Variants in MDGA2 observed in about 807,000 individuals in gnomAD.
MDGA2 encodes MAM domain containing glycosylphosphatidylinositol anchor 2, also known as MAM domain-containing glycosylphosphatidylinositol anchor protein 2.
MDGA2 carries 40 observed loss-of-function variants against 117.8 expected under a neutral mutation model. That is an observed-to-expected ratio of 0.34 (90% confidence interval 0.26 to 0.44). The LOEUF is 0.44. MDGA2 is among the 20% of genes least tolerant of loss of function. The probability of loss-of-function intolerance (pLI) is 1.00; values close to 1 mark genes in which losing one functional copy is unlikely to be tolerated. For missense variants in MDGA2, 1,123 were observed against 1,250.6 expected (o/e 0.90, Z 1.54); for synonymous variants, 452 against 439.0 (o/e 1.03, Z -0.37).
At chr14:47,606,431 A>G (rs1394537942) in intron 1 of MDGA2, among the ~76,000 whole-genome samples, 1 of 152,244 alleles carries the variant, frequency 6.6e-6, no homozygotes, top group Non-Finnish European at 1.5e-5. Flanking sequence ...AACACAATTT[A>G]ATTCAAAAGC....
At chr14:47,147,798 A>C (rs1360624464) in intron 3 of MDGA2, among the ~76,000 whole-genome samples, 1 of 152,150 alleles carries the variant, frequency 6.6e-6, no homozygotes, top group Non-Finnish European at 1.5e-5. Context: ...TTTCAAAAGG[A>C]ACTATAGTAG....
At chr14:47,177,509 G>A (rs1234500989) in intron 3 of MDGA2, among the ~76,000 whole-genome samples, 1 of 152,154 alleles carries the variant, frequency 6.6e-6, no homozygotes, top group East Asian at 1.9e-4. Flanking sequence ...TAGGGACATG[G>A]ATGAAATTGG....
rs936975789 is a variant in MDGA2 at position 47,149,964 on chromosome 14, C to T, written c.596-5690G>A. On this transcript the variant is annotated intron_variant, in intron 3 of 16. Coordinates refer to ENST00000399232, the MANE Select transcript of MDGA2 (RefSeq NM_001113498.3). ...GCTAATTTAAAGCATAATCTTTTTC[C>T]TGTCTTAGAAGCCCAACAATTCCAG... Among the ~76,000 whole-genome samples the T allele has an allele frequency of 2.6e-5, 4 of 152,272 alleles. No homozygotes were observed. The East Asian group carries it at 7.7e-4, about 29-fold the overall frequency.
chr14:47,049,627 G>A (rs1024966206), intron 7 of MDGA2, among the ~76,000 whole-genome samples: 1 of 151,898 alleles, frequency 6.6e-6, no homozygotes, highest in Non-Finnish European at 1.5e-5. Context: ...GATCTCTGGG[G>A]TAGGAATGAT....
At chr14:47,474,294 CAAG>C (rs1893790250) in intron 1 of MDGA2, among the ~76,000 whole-genome samples, 1 of 152,068 alleles carries the variant, frequency 6.6e-6, no homozygotes, top group South Asian at 2.1e-4. Context: ...AGGACATCTT[CAAG>C]AAGAACTCAA....
intron 9 of MDGA2, among the ~76,000 whole-genome samples, chr14:46,949,943 C>T (rs1253109907): frequency 6.6e-6 from 1 of 151,612 alleles, no homozygotes; most frequent in Non-Finnish European, 1.5e-5. Flanking sequence ...TGCTCTGAAT[C>T]TTTTATTGGA....
At chr14:47,481,585 T>C (rs1387108364) in intron 1 of MDGA2, among the ~76,000 whole-genome samples, 2 of 151,970 alleles carry the variant, frequency 1.3e-5, no homozygotes, top group Admixed American at 6.6e-5. Context: ...AATTATACCA[T>C]AGTCATACAA....
intron 1 of MDGA2, among the ~76,000 whole-genome samples, chr14:47,559,779 G>T (rs1323816445): frequency 6.6e-6 from 1 of 151,912 alleles, no homozygotes; most frequent in Admixed American, 6.6e-5. Flanking sequence ...CACCATGTTG[G>T]TCAGGCTGGT....
intron 3 of MDGA2, among the ~76,000 whole-genome samples, chr14:47,208,531 T>A (rs1401258738): frequency 2.1e-4 from 1 of 4,730 alleles, no homozygotes; most frequent in African/African-American, 1.9e-3. Context: ...CTCTAAACTC[T>A]TTTTTTTTTT....
intron 5 of MDGA2, among the ~76,000 whole-genome samples, chr14:47,120,813 T>G (rs966169898): frequency 6.6e-6 from 1 of 152,192 alleles, no homozygotes; most frequent in Non-Finnish European, 1.5e-5. Flanking sequence ...GGATACACTA[T>G]CCCTACAATA....
intron 3 of MDGA2, among the ~76,000 whole-genome samples, chr14:47,176,130 A>G (rs967687060): frequency 6.6e-6 from 1 of 152,200 alleles, no homozygotes; most frequent in African/African-American, 2.4e-5. Context: ...ACTACAAACC[A>G]CTGCTCAAGG....
chr14:47,054,614 T>C (rs868747967), intron 7 of MDGA2, among the ~76,000 whole-genome samples: 3 of 151,858 alleles, frequency 2.0e-5, no homozygotes, highest in African/African-American at 7.3e-5. Flanking sequence ...TGTACAAGGC[T>C]ACAGTAACCA....
intron 1 of MDGA2, among the ~76,000 whole-genome samples, chr14:47,493,266 TATAAC>T (rs1894210305): frequency 6.7e-6 from 1 of 149,634 alleles, no homozygotes. Flanking sequence ...CTGGGACTGT[TATAAC>T]AAAATCATGT....
intron 3 of MDGA2, among the ~76,000 whole-genome samples, chr14:47,175,579 G>T (rs1397455851): frequency 6.6e-6 from 1 of 151,854 alleles, no homozygotes; most frequent in South Asian, 2.1e-4. Context: ...TGCAGAAAAG[G>T]CCTTTGACAA....
In MDGA2 at chr14:47,061,457, T is replaced by A. The variant is rs1043816653; in HGVS notation, c.1317A>T (p.Thr439=). 4 of 1,613,480 alleles carry A rather than the reference T, an allele frequency of 2.5e-6. No individual in the cohort carries two copies. The highest frequency in any genetic ancestry group is 3.4e-6 in the Non-Finnish European group (4 of 1,179,628). Residue 439 remains threonine, a synonymous_variant, in exon 7 of 17, where the codon ACA becomes ACT. Coordinates refer to ENST00000399232, the MANE Select transcript of MDGA2 (RefSeq NM_001113498.3). ...QVEAVPSEEL[T]FSWFKNGRPL... ...GACGACCATTTTTAAACCAACTAAA[T>A]GTTAGCTCCTCAGAAGGAACAGCTT...
At chr14:46,920,781 G>A (rs1032840643) in intron 9 of MDGA2, among the ~76,000 whole-genome samples, 9 of 152,078 alleles carry the variant, frequency 5.9e-5, no homozygotes, top group East Asian at 1.9e-4. Flanking sequence ...GAGGTATTTC[G>A]GGAAGTGAGT....
intron 2 of MDGA2, among the ~76,000 whole-genome samples, chr14:47,249,236 C>T (rs1344038380): frequency 6.6e-6 from 1 of 151,786 alleles, no homozygotes; most frequent in Non-Finnish European, 1.5e-5. Context: ...CCAAGATGGT[C>T]TCGATCTCTT....
intron 1 of MDGA2, among the ~76,000 whole-genome samples, chr14:47,591,738 C>T (rs192315123): frequency 1.2e-4 from 19 of 152,214 alleles, no homozygotes; most frequent in African/African-American, 4.3e-4. Flanking sequence ...AACATCCCTT[C>T]ATGTTAAAAA....
intron 9 of MDGA2, among the ~76,000 whole-genome samples, chr14:46,941,584 C>A (rs1885001947): frequency 6.6e-6 from 1 of 152,218 alleles, no homozygotes. Flanking sequence ...GGCTTTGATT[C>A]CACTGAACTA....
Sources: allele counts gnomAD v4.1 joint callset (sites outside exome capture counted in the v4.1 genomes callset), GRCh38; gene constraint gnomAD v4.1.1; transcripts MANE v1.5; gene names NCBI Gene and HGNC (gene_info 2026-07-23, HGNC 2026-07-21).